The following NPY5R variants were observed in gnomAD, a reference collection of about 807,000 sequenced individuals.
NPY5R encodes the protein neuropeptide Y receptor Y5.
A neutral mutation model predicts 24.8 loss-of-function variants in NPY5R; 21 were observed. The ratio of observed to expected loss-of-function variants is 0.85; its 90% CI spans 0.60 to 1.22. The LOEUF is 1.22. NPY5R is among the 50% of genes most tolerant of loss of function. The pLI is 0.00. For missense variants in NPY5R, 481 were observed against 521.3 expected (o/e 0.92, Z 0.75); for synonymous variants, 175 against 183.0 (o/e 0.96, Z 0.35).
chr4:163,352,279 C>T (rs1735523075), downstream of NPY5R, among the ~76,000 whole-genome samples: 1 of 152,132 alleles, frequency 6.6e-6, no homozygotes, highest in Non-Finnish European at 1.5e-5. Flanking sequence ...TAAATCCTTT[C>T]CAGACTCATT....
intron 3 of NPY5R, among the ~76,000 whole-genome samples, chr4:163,349,839 GGGCACGGT>G (rs1287927574): frequency 6.6e-6 from 1 of 152,156 alleles, no homozygotes; most frequent in Non-Finnish European, 1.5e-5. Context: ...TTTCTGGGCT[GGGCACGGT>G]GGCTCACGCC....
At chr4:163,347,947 C>A (rs111465884) in intron 3 of NPY5R, among the ~76,000 whole-genome samples, 1 of 152,152 alleles carries the variant, frequency 6.6e-6, no homozygotes, top group African/African-American at 2.4e-5. Context: ...TTGTGAAAAA[C>A]TTGTAACTTT....
intron 1 of NPY5R, chr4:163,344,483 C>G (rs1735128242): frequency 6.6e-6 from 1 of 151,914 alleles, no homozygotes; most frequent in East Asian, 1.9e-4. Context: ...CGGGTCAGGG[C>G]TCAACCCTAG....
At chr4:163,349,899 G>A (rs1735405108) in intron 3 of NPY5R, among the ~76,000 whole-genome samples, 1 of 151,976 alleles carries the variant, frequency 6.6e-6, no homozygotes, top group African/African-American at 2.4e-5. Flanking sequence ...GGCGGATCAC[G>A]AGGTCAGGAG....
intron 2 of NPY5R, among the ~76,000 whole-genome samples, chr4:163,346,876 T>A (rs12501691): frequency 0.079 from 12,034 of 152,268 alleles, 535 homozygotes; most frequent in South Asian, 0.18. Context: ...ATCAATGAAG[T>A]TATCCAAATT....
At position 163,350,436 on chromosome 4, in the gene NPY5R, GGC is replaced by G. The variant is rs776885611; in HGVS notation, c.164_165del (p.Gly55ValfsTer16). ...GCTCTATACATTTGTAAGTCTTCTT[GGC>G]TTTATGGGGAATCTACTTATTTTAA... ...IGLYTFVSLL[G>X]FMGNLLILMA... On this transcript the variant is annotated frameshift_variant, in exon 4 of 4. Coordinates refer to ENST00000338566, the MANE Select transcript of NPY5R (RefSeq NM_006174.4). LOFTEE classifies it high-confidence loss of function. 1 of 1,613,766 alleles carries G rather than the reference GGC, an allele frequency of 6.2e-7. No individual in the cohort carries two copies. The highest frequency in any genetic ancestry group is 8.5e-7 in the Non-Finnish European group (1 of 1,179,760).
In NPY5R at chr4:163,351,196, A is replaced by T; in HGVS notation, c.923A>T (p.His308Leu). 1 of 1,614,028 alleles carries T rather than the reference A, an allele frequency of 6.2e-7. No homozygotes were observed. Among genetic ancestry groups the T allele is most frequent in the Non-Finnish European group, 8.5e-7 (1 of 1,179,964 alleles). The change falls in exon 4 of 4, where the codon CAC becomes CTC. Residue 308 changes from histidine to leucine, a missense_variant. By Grantham distance (99) the His-to-Leu change is moderately conservative. Coordinates refer to ENST00000338566, the MANE Select transcript of NPY5R (RefSeq NM_006174.4). Reference protein sequence around the residue: ...PAPERPSQENHSRILPENFGS... With the variant: ...PAPERPSQENLSRILPENFGS... Reference sequence around the variant, plus strand: ...CCAGAAAGACCTTCTCAAGAGAACCACTCCAGAATACTTCCAGAAAACTTT... The same window carrying T: ...CCAGAAAGACCTTCTCAAGAGAACCTCTCCAGAATACTTCCAGAAAACTTT...
At chr4:163,344,828 T>C (rs1735151174) in intron 1 of NPY5R, 1 of 152,056 alleles carries the variant, frequency 6.6e-6, no homozygotes, top group Admixed American at 6.5e-5. Flanking sequence ...GCAGTCCGAA[T>C]GCAATTTTAG....
chr4:163,351,850 A>G lies in NPY5R; in HGVS notation c.*239A>G. On this transcript the variant is annotated 3_prime_UTR_variant, in exon 4 of 4. Transcript: ENST00000338566. ...ATCCAATCTGTAATTTCACTTTAGA[A>G]GGTTGTATTACCTTCCACTTCCATG... The G allele has an allele frequency of 3.2e-6, 1 of 313,062 alleles. No homozygotes were observed. Among genetic ancestry groups the G allele is most frequent in the Non-Finnish European group, 6.1e-6 (1 of 163,258 alleles). The allele number at this position is 313,062 out of a possible 1,614,324, so 19.4% of individuals were successfully genotyped here. A position where few individuals can be genotyped will look rare whatever the true frequency, so the allele number is the denominator to read the frequency against.
At chr4:163,348,070 A>G (rs1053717082) in intron 3 of NPY5R, among the ~76,000 whole-genome samples, 11 of 152,204 alleles carry the variant, frequency 7.2e-5, no homozygotes, top group Non-Finnish European at 1.5e-5. Context: ...GCCATTTGGA[A>G]ATTTATTGAA....
At chr4:163,344,574 C>T (rs558702831) in intron 1 of NPY5R, 1 of 152,370 alleles carries the variant, frequency 6.6e-6, no homozygotes, top group African/African-American at 2.4e-5. Context: ...AGCGCTGACC[C>T]GAGCCCGGGA....
chr4:163,352,399 G>T (rs548293537), downstream of NPY5R, among the ~76,000 whole-genome samples: 16 of 152,028 alleles, frequency 1.1e-4, no homozygotes, highest in Middle Eastern at 3.4e-3. Context: ...TAATTTTAAA[G>T]AATATTTTAA....
At chr4:163,352,163 T>C (rs1024901236), downstream of NPY5R, among the ~76,000 whole-genome samples, 2 of 152,180 alleles carry the variant, frequency 1.3e-5, no homozygotes, top group African/African-American at 4.8e-5. Flanking sequence ...AGTACAGTTT[T>C]GGAAGTCCTG....
Position 163,351,193 on chromosome 4 carries a change from A to G in NPY5R, c.920A>G (p.Asn307Ser), listed in dbSNP as rs149950875. Residue 307 changes from asparagine to serine, a missense_variant, in exon 4 of 4, where the codon AAC (asparagine) becomes AGC (serine). Coordinates refer to ENST00000338566, the MANE Select transcript of NPY5R (RefSeq NM_006174.4). ...GCTCCAGAAAGACCTTCTCAAGAGA[A>G]CCACTCCAGAATACTTCCAGAAAAC... ...LPAPERPSQE[N>S]HSRILPENFG... 12 of 1,614,000 alleles carry G rather than the reference A, an allele frequency of 7.4e-6. No individual in the cohort carries two copies. In the African/African-American group the frequency reaches 1.6e-4, roughly 22 times the overall value.
At chr4:163,352,068 A>G (rs558635999), downstream of NPY5R, 1 of 154,188 alleles carries the variant, frequency 6.5e-6, no homozygotes, top group South Asian at 2.1e-4. Flanking sequence ...TAGTTTGTGA[A>G]GTACAGAAAA....
chr4:163,352,333 T>A (rs188643958), downstream of NPY5R, among the ~76,000 whole-genome samples: 163 of 152,328 alleles, frequency 1.1e-3, no homozygotes, highest in African/African-American at 3.8e-3. Context: ...TTCATATACA[T>A]CTTTTCTATT....
intron 1 of NPY5R, chr4:163,344,962 A>G (rs1735165246): frequency 6.6e-6 from 1 of 152,214 alleles, no homozygotes; most frequent in African/African-American, 2.4e-5. Flanking sequence ...ATTGTGCCAG[A>G]TTCTGGCTTT....
intron 1 of NPY5R, 197 bp from the exon 2 acceptor site, chr4:163,345,517 C>A (rs1735194573): frequency 1.3e-5 from 2 of 152,134 alleles, no homozygotes; most frequent in African/African-American, 2.4e-5. Context: ...TGACAAAAGT[C>A]TCATGCTGTC....
At chr4:163,348,326 G>A (rs4146927) in intron 3 of NPY5R, among the ~76,000 whole-genome samples, 152,315 of 152,316 alleles carry the variant, frequency 1, 76,157 homozygotes, top group Middle Eastern at 1. Flanking sequence ...CTTGTTAAAA[G>A]AACATTAAAG....
Sources: allele counts gnomAD v4.1 joint callset (sites outside exome capture counted in the v4.1 genomes callset), GRCh38; gene constraint gnomAD v4.1.1; transcripts MANE v1.5; gene names NCBI Gene and HGNC (gene_info 2026-07-23, HGNC 2026-07-21).